Variants in PTPRD observed in about 807,000 individuals in gnomAD.
PTPRD encodes protein tyrosine phosphatase receptor type D, also known as receptor-type tyrosine-protein phosphatase delta.
A neutral mutation model predicts 214.5 loss-of-function variants in PTPRD; 34 were observed. The ratio of observed to expected loss-of-function variants is 0.16; its 90% CI spans 0.12 to 0.21. The LOEUF is 0.21. Ranked by LOEUF, PTPRD falls within the 10% of genes least tolerant of loss-of-function variation. PTPRD has a pLI of 1.00. For synonymous variants in PTPRD, 1,128 were observed against 845.7 expected, an observed-to-expected ratio of 1.33 and a Z score of -5.79; for missense variants, 2,545 against 2,398.7, an observed-to-expected ratio of 1.06 and a Z score of -1.27.
At chr9:10,300,736 T>C (rs199557467) in intron 3 of PTPRD, among the ~76,000 whole-genome samples, 1 of 151,838 alleles carries the variant, frequency 6.6e-6, no homozygotes, top group Non-Finnish European at 1.5e-5. Flanking sequence ...CTAGGCAGGG[T>C]ATCTCTGAAA....
chr9:8,988,987 G>A (rs1436702437), intron 11 of PTPRD, among the ~76,000 whole-genome samples: 1 of 152,040 alleles, frequency 6.6e-6, no homozygotes, highest in East Asian at 1.9e-4. Flanking sequence ...GTTTACATAA[G>A]TTCTTTTAAT....
intron 8 of PTPRD, among the ~76,000 whole-genome samples, chr9:9,505,989 T>C (rs543499963): frequency 6.6e-6 from 1 of 151,468 alleles, no homozygotes; most frequent in Non-Finnish European, 1.5e-5. Flanking sequence ...GATAATCTCA[T>C]AATCTAAGGA....
At chr9:8,378,437 A>T (rs1370116440) in intron 37 of PTPRD, among the ~76,000 whole-genome samples, 2 of 151,870 alleles carry the variant, frequency 1.3e-5, no homozygotes, top group Non-Finnish European at 2.9e-5. Flanking sequence ...AAAAAAAATT[A>T]ACAAAAATTA....
intron 24 of PTPRD, among the ~76,000 whole-genome samples, 197 bp downstream of exon 24, chr9:8,500,557 T>TAAAAAAAAAAA (rs2097373324): frequency 2.3e-4 from 1 of 4,338 alleles, no homozygotes; most frequent in African/African-American, 7.8e-4. Flanking sequence ...TTGAAAAAAA[T>TAAAAAAAAAAA]GAAAAAAAAA....
chr9:8,873,683 A>G (rs2098340111), intron 11 of PTPRD, among the ~76,000 whole-genome samples: 1 of 152,170 alleles, frequency 6.6e-6, no homozygotes. Context: ...TAGTGACAAA[A>G]AGAGAGTTTC....
intron 9 of PTPRD, among the ~76,000 whole-genome samples, chr9:9,286,181 C>T (rs1949296257): frequency 6.6e-6 from 1 of 151,848 alleles, no homozygotes; most frequent in South Asian, 2.1e-4. Context: ...ATTAATTCTA[C>T]TTCAAATATG....
chr9:9,982,137 C>T (rs2095562610), intron 4 of PTPRD, among the ~76,000 whole-genome samples: 1 of 152,304 alleles, frequency 6.6e-6, no homozygotes, highest in South Asian at 2.1e-4. Flanking sequence ...GGCTTCTATG[C>T]TTCCTGTAAT....
intron 2 of PTPRD, among the ~76,000 whole-genome samples, chr9:10,392,471 T>C (rs1390829621): frequency 6.6e-6 from 1 of 151,918 alleles, no homozygotes; most frequent in East Asian, 1.9e-4. Flanking sequence ...TGCACCCAGT[T>C]ATGTAACATC....
intron 3 of PTPRD, among the ~76,000 whole-genome samples, chr9:10,280,355 AAACAC>A (rs149236972): frequency 2.7e-4 from 35 of 128,762 alleles, no homozygotes; most frequent in African/African-American, 1.5e-3. Context: ...TTAAATACAT[AAACAC>A]CACACACACA....
chr9:9,269,358 T>A (rs1488453100), intron 9 of PTPRD, among the ~76,000 whole-genome samples: 1 of 151,140 alleles, frequency 6.6e-6, no homozygotes, highest in African/African-American at 2.4e-5. Context: ...AAAAGATAAG[T>A]GCTGGTGAGA....
intron 14 of PTPRD, among the ~76,000 whole-genome samples, chr9:8,576,082 G>A (rs1365029832): frequency 1.3e-5 from 2 of 152,164 alleles, no homozygotes; most frequent in Admixed American, 6.5e-5. Flanking sequence ...AATAATGTTT[G>A]CACAAACTGT....
At chr9:9,199,554 A>G (rs906542389) in intron 9 of PTPRD, among the ~76,000 whole-genome samples, 2 of 152,214 alleles carry the variant, frequency 1.3e-5, no homozygotes, top group South Asian at 2.1e-4. Flanking sequence ...AGAACTGATA[A>G]AAGTGTTATA....
intron 4 of PTPRD, among the ~76,000 whole-genome samples, chr9:9,994,004 A>C (rs1722793994): frequency 6.6e-6 from 1 of 152,188 alleles, no homozygotes. Flanking sequence ...ATGTGTACTC[A>C]TTTAATACAA....
At chr9:9,032,944 G>A (rs920045387) in intron 10 of PTPRD, among the ~76,000 whole-genome samples, 40 of 151,976 alleles carry the variant, frequency 2.6e-4, no homozygotes, top group Non-Finnish European at 8.8e-5. Flanking sequence ...CTCTCTGTAC[G>A]GGACTCTCAG....
At chr9:8,521,583 A>G (rs1431590324) in intron 19 of PTPRD, 37 bp from the exon 20 acceptor site, 1 of 1,597,120 alleles carries the variant, frequency 6.3e-7, no homozygotes, top group Non-Finnish European at 8.5e-7. Flanking sequence ...AACATATACA[A>G]GGCAAGAAAA....
intron 7 of PTPRD, among the ~76,000 whole-genome samples, chr9:9,669,478 G>C (rs529797055): frequency 2.6e-4 from 39 of 152,266 alleles, no homozygotes; most frequent in African/African-American, 9.4e-4. Context: ...GAGTGCTTTA[G>C]AAGGAATAAA....
chr9:10,066,144 T>C (rs1411648528), intron 3 of PTPRD, among the ~76,000 whole-genome samples: 1 of 149,800 alleles, frequency 6.7e-6, no homozygotes, highest in Non-Finnish European at 1.5e-5. Flanking sequence ...TGCAGGATAC[T>C]TTTTTTTTAT....
intron 10 of PTPRD, among the ~76,000 whole-genome samples, chr9:9,099,283 T>C (rs1434324785): frequency 1.3e-5 from 2 of 152,216 alleles, no homozygotes; most frequent in East Asian, 1.9e-4. Context: ...TTCATAATTA[T>C]TCATTTTCTT....
At chr9:9,181,547 C>G (rs1048795705) in intron 10 of PTPRD, among the ~76,000 whole-genome samples, 9 of 151,890 alleles carry the variant, frequency 5.9e-5, no homozygotes, top group African/African-American at 2.2e-4. Context: ...TAGTATTCAC[C>G]AAAGCAGCTT....
Sources: gnomAD v4.1 joint callset for allele counts (sites outside exome capture counted in the v4.1 genomes callset) on GRCh38, gnomAD v4.1.1 for gene constraint, MANE v1.5 for transcripts, NCBI Gene and HGNC (gene_info 2026-07-23, HGNC 2026-07-21) for gene names.